ERC2: variants seen among roughly 807,000 people sequenced by gnomAD.
ERC2 encodes ELKS/RAB6-interacting/CAST family member 2, also known as ERC protein 2.
Under a neutral mutation model 114.8 loss-of-function variants are expected in ERC2, and 42 were observed. The observed-to-expected ratio is 0.37, with a 90% confidence interval of 0.29 to 0.47. The LOEUF (loss-of-function observed/expected upper bound fraction) is 0.47. ERC2 is among the 20% of genes least tolerant of loss of function. ERC2 has a pLI of 0.99. For synonymous variants in ERC2, 454 were observed against 425.5 expected (o/e 1.07, Z -0.82); for missense variants, 939 against 1,150.7 (o/e 0.82, Z 2.66).
intron 3 of ERC2, among the ~76,000 whole-genome samples, chr3:56,244,416 A>T (rs1185282873): frequency 6.6e-6 from 1 of 152,116 alleles, no homozygotes; most frequent in Non-Finnish European, 1.5e-5. Context: ...ATTTAACTGT[A>T]AAACAGCCTC....
chr3:55,548,412 G>GT (rs1461582604), intron 17 of ERC2, among the ~76,000 whole-genome samples: 6 of 152,158 alleles, frequency 3.9e-5, no homozygotes, highest in South Asian at 4.1e-4. Context: ...CTTGATCTGG[G>GT]TTTTTTGCAA....
intron 3 of ERC2, among the ~76,000 whole-genome samples, chr3:56,294,475 GA>G (rs2055299611): frequency 6.6e-6 from 1 of 152,198 alleles, no homozygotes; most frequent in South Asian, 2.1e-4. Flanking sequence ...TGTGGCTGTT[GA>G]AATGAGTGCC....
intron 2 of ERC2, among the ~76,000 whole-genome samples, chr3:56,398,241 G>A (rs937243800): frequency 6.6e-6 from 1 of 152,178 alleles, no homozygotes; most frequent in South Asian, 2.1e-4. Context: ...TTATGTGAGA[G>A]TATTTTTGGA....
At chr3:56,240,226 T>G (rs185263807) in intron 3 of ERC2, among the ~76,000 whole-genome samples, 3 of 152,290 alleles carry the variant, frequency 2.0e-5, no homozygotes, top group Admixed American at 2.0e-4. Context: ...CAGAATTGTA[T>G]CTCTGAAATT....
chr3:55,952,198 C>CA (rs2067624785), intron 12 of ERC2, among the ~76,000 whole-genome samples: 1 of 108,640 alleles, frequency 9.2e-6, no homozygotes, highest in African/African-American at 3.6e-5. Context: ...CTCTCTCTCT[C>CA]TATATATATA....
At chr3:55,518,348 T>C (rs1246496894) in intron 17 of ERC2, among the ~76,000 whole-genome samples, 1 of 152,252 alleles carries the variant, frequency 6.6e-6, no homozygotes, top group Non-Finnish European at 1.5e-5. Context: ...GCTTTCATAT[T>C]ATTTCAGAAA....
At chr3:56,399,507 A>G (rs529898097) in intron 2 of ERC2, among the ~76,000 whole-genome samples, 31 of 152,334 alleles carry the variant, frequency 2.0e-4, no homozygotes, top group Admixed American at 3.3e-4. Context: ...CTCTATATAT[A>G]GCTTAAAAAA....
intron 2 of ERC2, chr3:56,434,121 T>G: frequency 2.5e-5 from 8 of 321,712 alleles, no homozygotes; most frequent in East Asian, 6.8e-5. Flanking sequence ...ACCCCACCCC[T>G]CTCCCCATCT....
chr3:55,644,392 A>G (rs926320959), intron 17 of ERC2, among the ~76,000 whole-genome samples: 13 of 152,224 alleles, frequency 8.5e-5, no homozygotes, highest in African/African-American at 3.1e-4. Context: ...ATATGGACAT[A>G]TAAAGTTGAC....
intron 13 of ERC2, among the ~76,000 whole-genome samples, chr3:55,940,454 C>T (rs1006270608): frequency 1.3e-5 from 2 of 152,076 alleles, no homozygotes; most frequent in African/African-American, 4.8e-5. Flanking sequence ...TTCTAGCATG[C>T]AAGAGCCAAG....
intron 14 of ERC2, among the ~76,000 whole-genome samples, chr3:55,752,845 G>GA (rs1378029483): frequency 3.9e-5 from 6 of 152,158 alleles, no homozygotes; most frequent in Admixed American, 6.5e-5. Context: ...TCTTGACACA[G>GA]AAAAAACAGA....
At chr3:56,254,488 C>T (rs1055025586) in intron 3 of ERC2, among the ~76,000 whole-genome samples, 2 of 152,158 alleles carry the variant, frequency 1.3e-5, no homozygotes, top group African/African-American at 4.8e-5. Flanking sequence ...AAGGAGGAGG[C>T]CCCACCTCTG....
chr3:55,829,391 T>G (rs1446401105), intron 14 of ERC2, among the ~76,000 whole-genome samples: 3 of 152,060 alleles, frequency 2.0e-5, no homozygotes, highest in African/African-American at 4.8e-5. Flanking sequence ...AATAGCAGAA[T>G]GGAAACGGTC....
chr3:55,759,999 C>G (rs1162102032), intron 14 of ERC2, among the ~76,000 whole-genome samples: 1 of 152,136 alleles, frequency 6.6e-6, no homozygotes, highest in East Asian at 1.9e-4. Context: ...TTTTTACTTA[C>G]AGAGTGTCAG....
intron 2 of ERC2, among the ~76,000 whole-genome samples, chr3:56,356,795 T>A (rs924319124): frequency 2.6e-5 from 4 of 152,208 alleles, no homozygotes; most frequent in African/African-American, 4.8e-5. Context: ...TGAGCTCAGA[T>A]GATACTCCAG....
At chr3:55,959,059 C>T (rs188968994) in intron 12 of ERC2, among the ~76,000 whole-genome samples, 4 of 152,216 alleles carry the variant, frequency 2.6e-5, no homozygotes, top group South Asian at 2.1e-4. Context: ...CCACTCCAGA[C>T]GGTCCACTGC....
intron 4 of ERC2, among the ~76,000 whole-genome samples, chr3:56,158,706 C>T (rs1409086446): frequency 6.6e-6 from 1 of 151,796 alleles, no homozygotes; most frequent in East Asian, 1.9e-4. Flanking sequence ...ACCTTCTCCT[C>T]TTTGGAACCT....
intron 13 of ERC2, among the ~76,000 whole-genome samples, chr3:55,916,236 C>T (rs1328021532): frequency 1.3e-5 from 2 of 152,152 alleles, no homozygotes; most frequent in African/African-American, 4.8e-5. Context: ...CATAAAATGC[C>T]TAGCATGCCA....
At chr3:55,890,748 G>A (rs1296728746) in intron 13 of ERC2, among the ~76,000 whole-genome samples, 2 of 152,196 alleles carry the variant, frequency 1.3e-5, no homozygotes, top group Admixed American at 6.5e-5. Flanking sequence ...CAGATGAGAC[G>A]AAACTGCTCC....
Sources: gnomAD v4.1 joint callset for allele counts (sites outside exome capture counted in the v4.1 genomes callset) on GRCh38, gnomAD v4.1.1 for gene constraint, MANE v1.5 for transcripts, NCBI Gene and HGNC (gene_info 2026-07-23, HGNC 2026-07-21) for gene names.